Variants in MAP1B observed in about 807,000 individuals in gnomAD.
MAP1B encodes microtubule associated protein 1B.
A neutral mutation model predicts 176.1 loss-of-function variants in MAP1B; 12 were observed. The observed-to-expected ratio is 0.07, with a 90% CI of 0.04 to 0.11. The LOEUF is 0.11. Ranked by LOEUF, MAP1B falls within the 10% of genes least tolerant of loss-of-function variation. The pLI, the probability that MAP1B is intolerant of heterozygous loss-of-function variation, is 1.00. For synonymous variants in MAP1B, 1,044 were observed against 1,135.0 expected (o/e 0.92, Z 1.61); for missense variants, 2,523 against 2,990.5 (o/e 0.84, Z 3.65).
At chr5:72,138,990 A>G (rs1190320335) in intron 2 of MAP1B, among the ~76,000 whole-genome samples, 1 of 152,204 alleles carries the variant, frequency 6.6e-6, no homozygotes, top group Non-Finnish European at 1.5e-5. Flanking sequence ...ATGGTAAGCC[A>G]AGCATTGGAG....
At chr5:72,141,231 C>T (rs77759497) in intron 2 of MAP1B, among the ~76,000 whole-genome samples, 7 of 152,202 alleles carry the variant, frequency 4.6e-5, no homozygotes, top group African/African-American at 7.2e-5. Context: ...CTCTTCCCCT[C>T]CCTTTTGCCT....
At position 72,200,290 on chromosome 5, in the gene MAP1B, G is replaced by A. The variant is rs148824055; in HGVS notation, c.6935G>A (p.Arg2312His). 9.3e-6 allele frequency: 15 copies of A among 1,614,132 alleles called. No individual in the cohort carries two copies. Among genetic ancestry groups the A allele is most frequent in the African/African-American group, 2.7e-5 (2 of 74,946 alleles). The stretch of plus-strand genomic sequence containing the variant: ...ACCACTCCTGAGGTCAAAGCTGCAC[G>A]TGGGGAAGAGAAAGACAAGGAGACC... ...PTTTPEVKAARGEEKDKETKN... is the reference protein window; with the variant it reads ...PTTTPEVKAAHGEEKDKETKN... Residue 2312 changes from arginine (R) to histidine (H), a missense_variant, in exon 5 of 7, where the codon CGT becomes CAT. Around this residue, in one of 4 missense-constraint regions of MAP1B, gnomAD observed 287 missense variants for 401.5 expected, o/e 0.71. Coordinates refer to ENST00000296755, the MANE Select transcript of MAP1B (RefSeq NM_005909.5).
intron 2 of MAP1B, among the ~76,000 whole-genome samples, chr5:72,150,746 T>TA (rs1746125616): frequency 1.3e-5 from 2 of 152,194 alleles, no homozygotes; most frequent in African/African-American, 4.8e-5. Context: ...AGTGAGAACA[T>TA]ACAGTATTTG....
intron 2 of MAP1B, among the ~76,000 whole-genome samples, chr5:72,118,801 T>A (rs983552598): frequency 5.3e-5 from 8 of 152,196 alleles, no homozygotes; most frequent in Non-Finnish European, 1.2e-4. Flanking sequence ...ATTTATTGCC[T>A]TTTATGACAT....
At chr5:72,165,135 C>T (rs1746400696) in intron 2 of MAP1B, among the ~76,000 whole-genome samples, 1 of 152,162 alleles carries the variant, frequency 6.6e-6, no homozygotes, top group Non-Finnish European at 1.5e-5. Context: ...GTAGTGGATT[C>T]CTTGACCTTA....
intron 2 of MAP1B, among the ~76,000 whole-genome samples, chr5:72,120,037 A>G (rs1402038171): frequency 2.0e-5 from 3 of 152,130 alleles, no homozygotes; most frequent in Non-Finnish European, 4.4e-5. Flanking sequence ...CTGTCTATGT[A>G]TAGTAGTAAA....
At chr5:72,112,095 C>A (rs1194757787) in intron 1 of MAP1B, among the ~76,000 whole-genome samples, 1 of 152,094 alleles carries the variant, frequency 6.6e-6, no homozygotes. Flanking sequence ...TTTCAGACCA[C>A]TTTTTAGCAT....
chr5:72,110,995 T>G (rs1745324527), intron 1 of MAP1B, among the ~76,000 whole-genome samples: 1 of 152,234 alleles, frequency 6.6e-6, no homozygotes, highest in South Asian at 2.1e-4. Flanking sequence ...CTCCAGAGTT[T>G]GGAACAATAG....
chr5:72,146,393 T>G (rs1011367055), intron 2 of MAP1B, among the ~76,000 whole-genome samples: 3 of 152,234 alleles, frequency 2.0e-5, no homozygotes, highest in African/African-American at 7.2e-5. Context: ...CAGTGCCATT[T>G]GAGTCCGGGT....
intron 6 of MAP1B, 126 bp downstream of exon 6, chr5:72,203,927 C>A: frequency 1.4e-6 from 1 of 721,150 alleles, no homozygotes; most frequent in Non-Finnish European, 2.3e-6. Context: ...CCTCCTGTGT[C>A]TGTCACACAC....
At chr5:72,139,596 C>T (rs1003959582) in intron 2 of MAP1B, among the ~76,000 whole-genome samples, 3 of 152,068 alleles carry the variant, frequency 2.0e-5, no homozygotes, top group East Asian at 1.9e-4. Flanking sequence ...TTGGTTCAGT[C>T]GTTTTTTAAT....
chr5:72,179,876 C>A, intron 2 of MAP1B: 2 of 985,526 alleles, frequency 2.0e-6, no homozygotes, highest in Non-Finnish European at 2.4e-6. Flanking sequence ...CCTGGGCAAA[C>A]TGGTCTGAAG....
rs78714872 is a variant in MAP1B, at chr5:72,194,010, A to G, written c.655A>G (p.Ile219Val). The G allele has an allele frequency of 3.1e-5, 50 of 1,614,216 alleles. No individual in the cohort carries two copies. The African/African-American group carries it at 4.4e-4, about 14-fold the overall frequency. The part of the protein sequence containing the change: ...FINIKLNSAS[I>V]LPEMEGLSEF... ...CAATATTAAACTCAATTCAGCTTCT[A>G]TCTTGCCAGAAATGGAAGGACTTTC... is the stretch of plus-strand genomic sequence containing the variant. Residue 219 changes from isoleucine (I) to valine (V), a missense_variant, in exon 5 of 7, where the codon ATC (isoleucine) becomes GTC (valine). Physicochemically the swap from Ile to Val is conservative, Grantham distance 29 (BLOSUM62 3). Around this residue, in one of 4 missense-constraint regions of MAP1B, gnomAD observed 307 missense variants for 438.4 expected, o/e 0.70. Coordinates refer to ENST00000296755, the MANE Select transcript of MAP1B (RefSeq NM_005909.5). This position sits in a 1 kb window ranked among gnomAD's most constrained non-coding sequence, Gnocchi z 7.2.
rs11551257 is a variant in MAP1B, at chr5:72,208,538, A to C, written c.*3299A>C. 34 of 152,150 alleles carry C rather than the reference A, an allele frequency of 2.2e-4. No homozygotes were observed. The highest frequency in any genetic ancestry group is 7.5e-4 in the African/African-American group (31 of 41,440). 9.4% of individuals were successfully genotyped at this position (152,150 alleles called of 1,614,324 possible). On this transcript the variant is annotated 3_prime_UTR_variant, in exon 7 of 7. Transcript: ENST00000296755. ...CATGCTTTCTCAGTCTTGTGGTGGG[A>C]CTGGATACAATGACTAACTTCCCCT...
rs1338177822 is a variant in MAP1B at position 72,186,681 on chromosome 5, A to G, written c.437A>G (p.Asn146Ser). The G allele has an allele frequency of 3.1e-6, 5 of 1,613,886 alleles. No individual in the cohort carries two copies. Among genetic ancestry groups the G allele is most frequent in the South Asian group, 1.1e-5 (1 of 91,082 alleles). The change falls in exon 4 of 7, where the codon AAT becomes AGT. Residue 146 changes from asparagine to serine, a missense_variant. Asn to Ser is a conservative substitution (Grantham distance 46). Coordinates refer to ENST00000296755, the MANE Select transcript of MAP1B (RefSeq NM_005909.5). This position sits in a 1 kb window ranked among gnomAD's most constrained non-coding sequence, Gnocchi z 4.3. Reference sequence around the variant, plus strand: ...GTGCTGACCGGGCAGTGCTTTGAAAATACCGGAGAGCTCATTCTCCAGTCC... The same window carrying G: ...GTGCTGACCGGGCAGTGCTTTGAAAGTACCGGAGAGCTCATTCTCCAGTCC... Reference protein sequence around the residue: ...LLVLTGQCFENTGELILQSGS... With the variant: ...LLVLTGQCFESTGELILQSGS...
In MAP1B at chr5:72,115,593, C is replaced by G. The variant is rs187196447; in HGVS notation, c.185-105C>G. On this transcript the variant is annotated intron_variant, in intron 1 of 6. Coordinates refer to ENST00000296755, the MANE Select transcript of MAP1B (RefSeq NM_005909.5). The stretch of plus-strand genomic sequence containing the variant: ...CACCAAGCTCTTCAGAAAAGGAGTT[C>G]CCACATCCTCCCTGAAAGCCTGAGA... 463 of 728,698 alleles carry G rather than the reference C, an allele frequency of 6.4e-4. 4 individuals are homozygous for G. The highest frequency in any genetic ancestry group is 5.9e-3 in the East Asian group (229 of 38,602). 45.1% of individuals were successfully genotyped at this position (728,698 alleles called of 1,614,324 possible).
chr5:72,144,739 C>A (rs1746014783), intron 2 of MAP1B, among the ~76,000 whole-genome samples: 1 of 152,168 alleles, frequency 6.6e-6, no homozygotes, highest in Non-Finnish European at 1.5e-5. Flanking sequence ...TAAAGAACTT[C>A]TGACACATGA....
chr5:72,166,779 A>G (rs1031444416), intron 2 of MAP1B, among the ~76,000 whole-genome samples: 1 of 152,188 alleles, frequency 6.6e-6, no homozygotes, highest in African/African-American at 2.4e-5. Flanking sequence ...AACTGAATTA[A>G]AAACTCATTA....
At chr5:72,174,511 C>A (rs1323948286) in intron 2 of MAP1B, among the ~76,000 whole-genome samples, 1 of 152,208 alleles carries the variant, frequency 6.6e-6, no homozygotes, top group African/African-American at 2.4e-5. Flanking sequence ...GCCAGGACTC[C>A]TTCAGGTCCT....
Sources: gnomAD v4.1 joint callset for allele counts (sites outside exome capture counted in the v4.1 genomes callset) on GRCh38, gnomAD v4.1.1 for gene constraint, gnomAD v4.1.1 regional missense constraint, Gnocchi (gnomAD v3.1) non-coding constraint, MANE v1.5 for transcripts, NCBI Gene and HGNC (gene_info 2026-07-23, HGNC 2026-07-21) for gene names.